AGPAT3: variants seen among roughly 807,000 people sequenced by gnomAD.
AGPAT3 encodes 1-acylglycerol-3-phosphate O-acyltransferase 3.
In AGPAT3, 5 loss-of-function variants were observed where a neutral mutation model predicts 47.3. That is an observed-to-expected ratio of 0.11 (90% CI 0.06 to 0.22). The LOEUF (loss-of-function observed/expected upper bound fraction) is 0.22. Among genes scored for constraint, AGPAT3 ranks in the 10% least tolerant of loss-of-function variants. AGPAT3 has a pLI of 1.00. For missense variants in AGPAT3, 315 were observed against 493.0 expected (o/e 0.64, Z 3.42); for synonymous variants, 212 against 208.3 (o/e 1.02, Z -0.15).
At position 43,982,278 on chromosome 21, in the gene AGPAT3, CT is replaced by C; in HGVS notation, c.1043-24del. 2 of 1,582,026 alleles carry C rather than the reference CT, an allele frequency of 1.3e-6. No homozygotes were observed. The highest frequency in any genetic ancestry group is 1.7e-6 in the Non-Finnish European group (2 of 1,155,054). On this transcript the variant is annotated intron_variant, in intron 9 of 9. Transcript: ENST00000291572. The surrounding 1 kb of genome is among the most constrained non-coding windows in gnomAD (Gnocchi z 6.2). Reference sequence around the variant, plus strand: ...AAAGGCAAAGTCATCCGTCTCACCTCTTCTCTCTCTCTCCTGTCTTGAAAGC... The same window carrying C: ...AAAGGCAAAGTCATCCGTCTCACCTCTCTCTCTCTCTCCTGTCTTGAAAGC...
intron 8 of AGPAT3, among the ~76,000 whole-genome samples, 197 bp from the exon 9 acceptor site, chr21:43,980,792 C>T (rs1051383045): frequency 1.4e-4 from 21 of 152,196 alleles, no homozygotes; most frequent in Admixed American, 5.9e-4. Flanking sequence ...TGCGAGCTCT[C>T]GATGCACGCT....
chr21:43,923,140 G>A (rs941054169), intron 2 of AGPAT3, among the ~76,000 whole-genome samples: 4 of 152,024 alleles, frequency 2.6e-5, no homozygotes, highest in East Asian at 1.9e-4. Context: ...CATGAGGCTC[G>A]CAGCCTCGGG....
intron 2 of AGPAT3, among the ~76,000 whole-genome samples, chr21:43,935,014 C>T (rs1194739458): frequency 1.3e-5 from 2 of 151,974 alleles, no homozygotes; most frequent in African/African-American, 2.4e-5. Context: ...CTACCCATGC[C>T]ACCCATGTGC....
rs2146275054 is a variant in AGPAT3 at position 43,930,660 on chromosome 21, G to T, written c.-49+26641G>T. On this transcript the variant is annotated intron_variant, in intron 2 of 9. Coordinates refer to ENST00000291572, the MANE Select transcript of AGPAT3 (RefSeq NM_020132.5). This position sits in a 1 kb window ranked among gnomAD's most constrained non-coding sequence, Gnocchi z 5.0. ...GGTGTTTCTGTCGGGATGAGGGGAA[G>T]GCGGGGATGAGGTGGGGGTGCACAC... Among the ~76,000 whole-genome samples, 1 of 152,278 alleles carries T rather than the reference G, an allele frequency of 6.6e-6. No homozygotes were observed. The highest frequency in any genetic ancestry group is 2.1e-4 in the South Asian group (1 of 4,830).
intron 7 of AGPAT3, among the ~76,000 whole-genome samples, chr21:43,974,380 G>T (rs907252503): frequency 1.3e-5 from 2 of 151,804 alleles, no homozygotes; most frequent in African/African-American, 4.8e-5. Context: ...TGTGATGTGT[G>T]TGTGGTGTGT....
At chr21:43,924,036 A>G (rs1185971459) in intron 2 of AGPAT3, among the ~76,000 whole-genome samples, 2 of 151,974 alleles carry the variant, frequency 1.3e-5, no homozygotes, top group Non-Finnish European at 2.9e-5. Context: ...GTTTTTTTTG[A>G]GACGGAGTCT....
At chr21:43,959,082 T>TGTGTGTGTGGCATGTGTGTGGTTTGC (rs1555909854) in intron 2 of AGPAT3, among the ~76,000 whole-genome samples, 47,512 of 121,304 alleles carry the variant, frequency 0.39, 10,013 homozygotes, top group Admixed American at 0.42. Flanking sequence ...GTGTGGTTTG[T>TGTGTGTGTGGCATGTGTGTGGTTTGC]GGTGTGTGTG....
At chr21:43,961,265 T>C (rs921939541) in intron 3 of AGPAT3, among the ~76,000 whole-genome samples, 3 of 152,242 alleles carry the variant, frequency 2.0e-5, no homozygotes, top group East Asian at 1.9e-4. Flanking sequence ...TCATGCTGTT[T>C]CCATGTTTTT....
At chr21:43,943,463 G>A (rs2087739206) in intron 2 of AGPAT3, among the ~76,000 whole-genome samples, 1 of 152,188 alleles carries the variant, frequency 6.6e-6, no homozygotes, top group African/African-American at 2.4e-5. Flanking sequence ...TGTATACCAG[G>A]CACTGGCTAA....
At chr21:43,913,093 T>G (rs927421715) in intron 2 of AGPAT3, among the ~76,000 whole-genome samples, 1 of 152,238 alleles carries the variant, frequency 6.6e-6, no homozygotes, top group African/African-American at 2.4e-5. Context: ...CTGTCAAGCC[T>G]TCTTGTTAAG....
At chr21:43,873,815 A>G (rs2085676372) in intron 1 of AGPAT3, among the ~76,000 whole-genome samples, 1 of 152,176 alleles carries the variant, frequency 6.6e-6, no homozygotes, top group Admixed American at 6.5e-5. Flanking sequence ...ACAGAGGCTC[A>G]TCTTTTTTAT....
chr21:43,962,723 C>T (rs541011418), intron 3 of AGPAT3, among the ~76,000 whole-genome samples: 2 of 152,332 alleles, frequency 1.3e-5, no homozygotes, highest in Admixed American at 1.3e-4. Flanking sequence ...TGAGCGAGGG[C>T]GCGAGACAAG....
chr21:43,867,614 C>G (rs2085536035), intron 1 of AGPAT3: 1 of 152,458 alleles, frequency 6.6e-6, no homozygotes, highest in South Asian at 2.1e-4. Flanking sequence ...ATGGCTTCTG[C>G]TTCCACGCTT....
chr21:43,885,471 CT>C (rs2085955530), intron 1 of AGPAT3, among the ~76,000 whole-genome samples: 1 of 151,526 alleles, frequency 6.6e-6, no homozygotes, highest in Non-Finnish European at 1.5e-5. Context: ...TCACTGCAAC[CT>C]CCACCTCCCG....
Position 43,932,802 on chromosome 21 carries a change from C to T in AGPAT3, c.-48-26832C>T, listed in dbSNP as rs1406810471. 2.0e-5 allele frequency among the ~76,000 whole-genome samples: 3 copies of T among 152,206 alleles called. No homozygotes were observed. Among genetic ancestry groups the T allele is most frequent in the Non-Finnish European group, 4.4e-5 (3 of 68,042 alleles). ...AGTAGCTGGGATTACAGACGCCCGC[C>T]ACCATGCCGGGCTAATTTTGTATGT... On this transcript the variant is annotated intron_variant, in intron 2 of 9. Transcript: ENST00000291572. The surrounding 1 kb of genome is among the most constrained non-coding windows in gnomAD (Gnocchi z 5.2).
At chr21:43,892,116 G>C (rs1160710001) in intron 1 of AGPAT3, among the ~76,000 whole-genome samples, 1 of 152,042 alleles carries the variant, frequency 6.6e-6, no homozygotes, top group African/African-American at 2.4e-5. Flanking sequence ...AGACCAGCAC[G>C]GCCAACATGA....
chr21:43,898,014 C>G (rs2145982238), intron 1 of AGPAT3, among the ~76,000 whole-genome samples: 1 of 152,242 alleles, frequency 6.6e-6, no homozygotes, highest in East Asian at 1.9e-4. Context: ...GCCTGCAATC[C>G]CAGGCACTCA....
rs148905893 is a variant in AGPAT3, at chr21:43,930,046, C to G, written c.-49+26027C>G. Among the ~76,000 whole-genome samples, 38 of 152,352 alleles carry G rather than the reference C, an allele frequency of 2.5e-4. No homozygotes were observed. Among genetic ancestry groups the G allele is most frequent in the African/African-American group, 9.1e-4 (38 of 41,580 alleles). ...ACTGTCCTCCTGGAACCCAGGGTGC[C>G]TTGTCCTGGCACTTCTGTGTACATC... On this transcript the variant is annotated intron_variant, in intron 2 of 9. Transcript: ENST00000291572. This position sits in a 1 kb window ranked among gnomAD's most constrained non-coding sequence, Gnocchi z 5.0.
Position 43,969,238 on chromosome 21 carries a change from G to A in AGPAT3, c.469G>A (p.Glu157Lys), listed in dbSNP as rs372576631. The A allele has an allele frequency of 1.1e-5, 18 of 1,614,114 alleles. 1 individual carries two copies. The highest frequency in any genetic ancestry group is 5.0e-5 in the Admixed American group (3 of 60,002). The change falls in exon 5 of 10, where the codon GAA (glutamate) becomes AAA (lysine). Residue 157 changes from glutamate (E) to lysine (K), a missense_variant. By Grantham distance (56) the Glu-to-Lys change is moderately conservative. Coordinates refer to ENST00000291572, the MANE Select transcript of AGPAT3 (RefSeq NM_020132.5). Reference sequence around the variant, plus strand: ...GGAGGAGGACCGGGACACCGTGGTCGAAGGGCTGAGGCGCCTGTCGGACTA... The same window carrying A: ...GGAGGAGGACCGGGACACCGTGGTCAAAGGGCTGAGGCGCCTGTCGGACTA... ...KWEEDRDTVV[E>K]GLRRLSDYPE...
Sources: allele counts gnomAD v4.1 joint callset (sites outside exome capture counted in the v4.1 genomes callset), GRCh38; gene constraint gnomAD v4.1.1; non-coding constraint Gnocchi (gnomAD v3.1); transcripts MANE v1.5; gene names NCBI Gene and HGNC (gene_info 2026-07-23, HGNC 2026-07-21).